The following BACH2 variants were observed in gnomAD, a reference collection of about 807,000 sequenced individuals.
BACH2 encodes BACH transcriptional regulator 2.
In BACH2, 5 loss-of-function variants were observed where a neutral mutation model predicts 61.8. The observed-to-expected ratio is 0.08, with a 90% CI of 0.04 to 0.17. The LOEUF is 0.17. Among genes scored for constraint, BACH2 ranks in the 10% least tolerant of loss-of-function variants. The pLI is 1.00. For missense variants in BACH2, 824 were observed against 1,091.1 expected (o/e 0.76, Z 3.45); for synonymous variants, 446 against 440.1 (o/e 1.01, Z -0.17).
intron 4 of BACH2, among the ~76,000 whole-genome samples, chr6:90,176,570 G>A (rs920807773): frequency 2.0e-5 from 3 of 152,122 alleles, no homozygotes; most frequent in Admixed American, 6.5e-5. Flanking sequence ...TCAGGGAAAC[G>A]ACACACCGGA....
intron 3 of BACH2, among the ~76,000 whole-genome samples, chr6:90,221,281 T>A (rs1242905992): frequency 6.6e-6 from 1 of 152,194 alleles, no homozygotes; most frequent in Non-Finnish European, 1.5e-5. Flanking sequence ...TATAATTTTT[T>A]AATCATAAGC....
At chr6:90,240,140 A>G (rs928172383) in intron 3 of BACH2, among the ~76,000 whole-genome samples, 25 of 152,208 alleles carry the variant, frequency 1.6e-4, no homozygotes, top group African/African-American at 5.8e-4. Context: ...TAAAAGTTCT[A>G]TTTGTACTAG....
chr6:90,234,850 C>A (rs1407073282), intron 3 of BACH2, among the ~76,000 whole-genome samples: 6 of 152,176 alleles, frequency 3.9e-5, no homozygotes, highest in Non-Finnish European at 8.8e-5. Context: ...GTGCTAGAGG[C>A]AGCCTAGGGC....
At chr6:90,068,465 G>A (rs981560067) in intron 5 of BACH2, among the ~76,000 whole-genome samples, 8 of 152,130 alleles carry the variant, frequency 5.3e-5, no homozygotes, top group African/African-American at 1.9e-4. Context: ...ATGCGGGGGT[G>A]TACACAAGGC....
intron 3 of BACH2, among the ~76,000 whole-genome samples, chr6:90,219,904 A>G (rs1769681555): frequency 6.6e-6 from 1 of 151,716 alleles, no homozygotes; most frequent in African/African-American, 2.4e-5. Flanking sequence ...CAACTTAACT[A>G]CAGGTTTTGA....
At chr6:90,247,298 T>C (rs1043322936) in intron 3 of BACH2, among the ~76,000 whole-genome samples, 6 of 151,402 alleles carry the variant, frequency 4.0e-5, no homozygotes, top group Non-Finnish European at 7.4e-5. Context: ...AGTGCAGTGG[T>C]CATCATAGCT....
rs555469195 is a variant in BACH2, at chr6:90,229,233, C to T, written c.-274-22552G>A. Among the ~76,000 whole-genome samples, 19 of 152,284 alleles carry T rather than the reference C, an allele frequency of 1.2e-4. No individual in the cohort carries two copies. The South Asian group carries it at 2.7e-3, about 22-fold the overall frequency. ...TAGCACTTTGGGAGGCCGAGGCAGG[C>T]GGATGACCTGAGGTCGGGAGTTCAA... is the stretch of plus-strand genomic sequence containing the variant. On this transcript the variant is annotated intron_variant, in intron 3 of 8. Transcript: ENST00000257749.
In BACH2 at chr6:89,951,612, T is replaced by A. The variant is rs1774123682; in HGVS notation, c.494A>T (p.Asp165Val). Reference protein sequence around the residue: ...DCENSAGEEEDEEEETMDSET... With the variant: ...DCENSAGEEEVEEEETMDSET... ...TGAATCCATCGTCTCCTCCTCTTCA[T>A]CCTCCTCCTCTCCTGCAGAGTTCTC... is the stretch of plus-strand genomic sequence containing the variant. The change falls in exon 7 of 9, where the codon GAT (aspartate) becomes GTT (valine). Residue 165 changes from aspartate (D) to valine (V), a missense_variant. Transcript: ENST00000257749. This position sits in a 1 kb window ranked among gnomAD's most constrained non-coding sequence, Gnocchi z 6.4. 1 of 1,614,016 alleles carries A rather than the reference T, an allele frequency of 6.2e-7. No individual in the cohort carries two copies.
At chr6:89,988,970 T>A (rs922046993) in intron 6 of BACH2, among the ~76,000 whole-genome samples, 3 of 152,120 alleles carry the variant, frequency 2.0e-5, no homozygotes, top group Non-Finnish European at 4.4e-5. Context: ...CAAATCTAGG[T>A]CGAACTCTAG....
At chr6:90,024,309 T>G (rs908459225) in intron 5 of BACH2, among the ~76,000 whole-genome samples, 1 of 152,120 alleles carries the variant, frequency 6.6e-6, no homozygotes, top group Non-Finnish European at 1.5e-5. Flanking sequence ...ATCCTACAAC[T>G]TATGGTCAGG....
intron 1 of BACH2, among the ~76,000 whole-genome samples, chr6:90,295,476 T>C (rs1281273165): frequency 1.3e-5 from 2 of 151,754 alleles, no homozygotes; most frequent in African/African-American, 4.8e-5. Context: ...GCACCTAGGG[T>C]AGCCCGTGAG....
chr6:89,987,759 A>T (rs1476332193), intron 6 of BACH2, among the ~76,000 whole-genome samples: 1 of 151,218 alleles, frequency 6.6e-6, no homozygotes, highest in East Asian at 1.9e-4. Flanking sequence ...CATTATTATA[A>T]AAAAAAAATT....
Position 89,949,117 on chromosome 6 carries a change from C to T in BACH2, c.1836+1153G>A, listed in dbSNP as rs549780439. Among the ~76,000 whole-genome samples the T allele has an allele frequency of 7.9e-5, 12 of 152,290 alleles. No homozygotes were observed. In the East Asian group the frequency reaches 2.1e-3, roughly 27 times the overall value. On this transcript the variant is annotated intron_variant, in intron 7 of 8. Transcript: ENST00000257749. ...GGCTCTGTGAAAAGCCACCTCATCC[C>T]GTATGGCATTTCTGCTTTCTGGCTG...
At chr6:89,949,242 T>C (rs1384402075) in intron 7 of BACH2, among the ~76,000 whole-genome samples, 2 of 152,160 alleles carry the variant, frequency 1.3e-5, no homozygotes, top group African/African-American at 4.8e-5. Context: ...TTTCTTCCTG[T>C]GTTTTTGGGA....
chr6:90,038,133 A>G (rs1374366798), intron 5 of BACH2, among the ~76,000 whole-genome samples: 1 of 152,260 alleles, frequency 6.6e-6, no homozygotes, highest in South Asian at 2.1e-4. Context: ...TTAGGAAACT[A>G]GAACAACCTT....
chr6:90,054,047 G>T (rs1038554258), intron 5 of BACH2, among the ~76,000 whole-genome samples: 12 of 152,236 alleles, frequency 7.9e-5, no homozygotes, highest in African/African-American at 2.7e-4. Context: ...GAGCGATGCA[G>T]AAGATGGGTG....
chr6:89,979,299 C>G (rs1423530431), intron 6 of BACH2, among the ~76,000 whole-genome samples: 8 of 152,198 alleles, frequency 5.3e-5, no homozygotes, highest in African/African-American at 1.9e-4. Context: ...TGATCTCTTT[C>G]ATTTATTTGA....
intron 5 of BACH2, among the ~76,000 whole-genome samples, chr6:90,039,734 TAAAAAC>T (rs1779437628): frequency 6.6e-6 from 1 of 152,144 alleles, no homozygotes; most frequent in Non-Finnish European, 1.5e-5. Context: ...TTACCAAACT[TAAAAAC>T]AAAACAAAAC....
rs532552750 is a variant in BACH2 at position 90,282,527 on chromosome 6, C to A, written c.-445-10586G>T. On this transcript the variant is annotated intron_variant, in intron 1 of 8. Coordinates refer to ENST00000257749, the MANE Select transcript of BACH2 (RefSeq NM_021813.4). ...TGCATAGTATTCCATGGTGTATGTACCACATTTTCTTTATCCAGTCTATCA... is the reference window on the plus strand; with the variant it reads ...TGCATAGTATTCCATGGTGTATGTAACACATTTTCTTTATCCAGTCTATCA... Among the ~76,000 whole-genome samples, 15 of 152,000 alleles carry A rather than the reference C, an allele frequency of 9.9e-5. No homozygotes were observed. In the South Asian group the frequency reaches 2.7e-3, roughly 27 times the overall value.
Sources: gnomAD v4.1 joint callset for allele counts (sites outside exome capture counted in the v4.1 genomes callset) on GRCh38, gnomAD v4.1.1 for gene constraint, Gnocchi (gnomAD v3.1) non-coding constraint, MANE v1.5 for transcripts, NCBI Gene and HGNC (gene_info 2026-07-23, HGNC 2026-07-21) for gene names.